TADA2B: variants seen among roughly 807,000 people sequenced by gnomAD.
TADA2B encodes the protein transcriptional adapter 2-beta.
TADA2B carries 13 observed loss-of-function variants against 34.5 expected under a neutral mutation model. That is an observed-to-expected ratio of 0.38 (90% CI 0.25 to 0.60). The LOEUF (loss-of-function observed/expected upper bound fraction) is 0.60, where lower values mean the gene tolerates loss of function less well. Among genes scored for constraint, TADA2B ranks in the 20% least tolerant of loss-of-function variants. TADA2B has a pLI of 0.65. For synonymous variants in TADA2B, 240 were observed against 243.4 expected (o/e 0.99, Z 0.13); for missense variants, 442 against 575.0 (o/e 0.77, Z 2.37).
rs372330396 is a variant in TADA2B, at chr4:7,051,754, C to T, written c.271-2308C>T. Among the ~76,000 whole-genome samples the T allele has an allele frequency of 8.8e-3, 1,337 of 152,276 alleles. 18 individuals carry two copies. Among genetic ancestry groups the T allele is most frequent in the African/African-American group, 0.031 (1,268 of 41,566 alleles). ...CTGGGACTACAGGCGCCCGCCACCA[C>T]GCCTGGCTAATTTTTTGTATTTTTA... On this transcript the variant is annotated intron_variant, in intron 1 of 1. Transcript: ENST00000310074.
intron 1 of TADA2B, among the ~76,000 whole-genome samples, chr4:7,051,667 A>C (rs963306212): frequency 6.7e-6 from 1 of 149,868 alleles, no homozygotes; most frequent in Admixed American, 6.7e-5. Flanking sequence ...GCACTATCTC[A>C]GCTCACTGCA....
At position 7,055,127 on chromosome 4, in the gene TADA2B, C is replaced by T. The variant is rs1456736913; in HGVS notation, c.*73C>T. On this transcript the variant is annotated 3_prime_UTR_variant, in exon 2 of 2. Coordinates refer to ENST00000310074, the MANE Select transcript of TADA2B (RefSeq NM_152293.3). Reference sequence around the variant, plus strand: ...CCAAAATGACTTGGGGGAGGGGAGCCGCTTCCCCACTGTTGCTCTTTTTTA... The same window carrying T: ...CCAAAATGACTTGGGGGAGGGGAGCTGCTTCCCCACTGTTGCTCTTTTTTA... The T allele has an allele frequency of 3.5e-6, 5 of 1,433,766 alleles. No homozygotes were observed. Among genetic ancestry groups the T allele is most frequent in the Admixed American group, 2.6e-5 (1 of 39,138 alleles). The allele number at this position is 1,433,766 out of a possible 1,614,324, so 88.8% of individuals were successfully genotyped here.
chr4:7,051,984 A>T (rs1013522071), intron 1 of TADA2B, among the ~76,000 whole-genome samples: 6 of 152,202 alleles, frequency 3.9e-5, no homozygotes, highest in Admixed American at 2.6e-4. Context: ...ACCAGGGCCA[A>T]TGCCAGGGGG....
intron 1 of TADA2B, among the ~76,000 whole-genome samples, chr4:7,048,245 C>T (rs533417192): frequency 6.6e-6 from 1 of 152,148 alleles, no homozygotes; most frequent in Non-Finnish European, 1.5e-5. Context: ...GGAGCCTCCA[C>T]TGTGCGGGCT....
chr4:7,043,965 G>T (rs1723552289), intron 1 of TADA2B, 116 bp downstream of exon 1: 1 of 1,282,012 alleles, frequency 7.8e-7, no homozygotes. Context: ...ACCCCAGAAG[G>T]CCCCGGAGGT....
intron 1 of TADA2B, among the ~76,000 whole-genome samples, chr4:7,045,342 G>A (rs565315514): frequency 5.9e-5 from 9 of 152,304 alleles, no homozygotes; most frequent in Middle Eastern, 3.4e-3. Context: ...TGATGTTTAC[G>A]TTTACTTCTT....
In TADA2B at chr4:7,054,449, A is replaced by G. The variant is rs771747907; in HGVS notation, c.658A>G (p.Lys220Glu). The G allele has an allele frequency of 6.2e-7, 1 of 1,613,702 alleles. No individual in the cohort carries two copies. Among genetic ancestry groups the G allele is most frequent in the Non-Finnish European group, 8.5e-7 (1 of 1,179,900 alleles). ...VRKLKERQRR[K>E]NIARDYNLVP... ...GAAGCTGAAAGAGAGACAGCGGCGGAAGAACATCGCCCGTGACTACAATCT... is the reference window on the plus strand; with the variant it reads ...GAAGCTGAAAGAGAGACAGCGGCGGGAGAACATCGCCCGTGACTACAATCT... The change falls in exon 2 of 2, where the codon AAG becomes GAG. Residue 220 changes from lysine (K) to glutamate (E), a missense_variant. This residue lies in a region of TADA2B where 222 missense variants were observed against 235.2 expected (regional missense o/e 0.94). Transcript: ENST00000310074.
chr4:7,056,900 C>G lies in TADA2B; in HGVS notation c.*1846C>G, dbSNP rs1412010644. The G allele has an allele frequency of 6.6e-6, 1 of 152,240 alleles. No homozygotes were observed. Among genetic ancestry groups the G allele is most frequent in the East Asian group, 1.9e-4 (1 of 5,204 alleles). 9.4% of individuals were successfully genotyped at this position (152,240 alleles called of 1,614,324 possible). On this transcript the variant is annotated 3_prime_UTR_variant, in exon 2 of 2. Transcript: ENST00000310074. ...GGTGGGGCTCCTGGCCCAGCAGCAGCAACTTGTTTGTTAGAATGCAGACGC... is the reference window on the plus strand; with the variant it reads ...GGTGGGGCTCCTGGCCCAGCAGCAGGAACTTGTTTGTTAGAATGCAGACGC...
intron 1 of TADA2B, among the ~76,000 whole-genome samples, chr4:7,049,240 G>A (rs1723708927): frequency 6.6e-6 from 1 of 152,056 alleles, no homozygotes; most frequent in Non-Finnish European, 1.5e-5. Flanking sequence ...CACCACACCC[G>A]CCTAATTTTT....
intron 1 of TADA2B, among the ~76,000 whole-genome samples, chr4:7,048,835 G>A (rs544181605): frequency 6.6e-6 from 1 of 152,276 alleles, no homozygotes; most frequent in African/African-American, 2.4e-5. Flanking sequence ...GTCCTTTTCT[G>A]ACTGGCGTAT....
chr4:7,053,451 C>A (rs998392911), intron 1 of TADA2B: 1 of 152,418 alleles, frequency 6.6e-6, no homozygotes, highest in African/African-American at 2.4e-5. Context: ...GCCAGCCCCC[C>A]CGGCGCATGA....
intron 1 of TADA2B, among the ~76,000 whole-genome samples, chr4:7,052,572 G>A (rs970670206): frequency 1.3e-5 from 2 of 152,204 alleles, no homozygotes; most frequent in Non-Finnish European, 2.9e-5. Context: ...GAGGTGTGTG[G>A]GGCTGCACGT....
Position 7,054,260 on chromosome 4 carries a change from T to A in TADA2B, c.469T>A (p.Ser157Thr), listed in dbSNP as rs756227804. 6.2e-7 allele frequency: 1 copy of A among 1,612,080 alleles called. No homozygotes were observed. The highest frequency in any genetic ancestry group is 2.2e-5 in the East Asian group (1 of 44,812). Reference protein sequence around the residue: ...LTTPLPPLDISVAEQQQLGYM... With the variant: ...LTTPLPPLDITVAEQQQLGYM... ...CACCCCGCTGCCCCCGCTGGACATCTCTGTGGCTGAGCAGCAGCAGCTGGG... is the reference window on the plus strand; with the variant it reads ...CACCCCGCTGCCCCCGCTGGACATCACTGTGGCTGAGCAGCAGCAGCTGGG... Residue 157 changes from serine to threonine, a missense_variant, in exon 2 of 2, where the codon TCT (serine) becomes ACT (threonine). Coordinates refer to ENST00000310074, the MANE Select transcript of TADA2B (RefSeq NM_152293.3).
chr4:7,053,965 T>C, intron 1 of TADA2B, 97 bp from the exon 2 acceptor site: 1 of 1,391,064 alleles, frequency 7.2e-7, no homozygotes. Flanking sequence ...TAGGAAGTAC[T>C]CTAGGTCAGC....
In TADA2B at chr4:7,043,452, C is replaced by G. The variant is rs1482025893; in HGVS notation, c.-128C>G. 1.4e-5 allele frequency: 5 copies of G among 354,464 alleles called. No homozygotes were observed. The highest frequency in any genetic ancestry group is 1.9e-5 in the Non-Finnish European group (5 of 257,504). 22.0% of individuals were successfully genotyped at this position (354,464 alleles called of 1,614,324 possible). A position where few individuals can be genotyped will look rare whatever the true frequency, so the allele number is the denominator to read the frequency against. On this transcript the variant is annotated 5_prime_UTR_variant, in exon 1 of 2. Coordinates refer to ENST00000310074, the MANE Select transcript of TADA2B (RefSeq NM_152293.3). The stretch of plus-strand genomic sequence containing the variant: ...GGCTGGGCTGGGGCCGCGGTGGCGG[C>G]AGCCGCGGCGGCGGGCGGCGGTTGC...
At chr4:7,046,426 G>A (rs1723632004) in intron 1 of TADA2B, among the ~76,000 whole-genome samples, 1 of 152,180 alleles carries the variant, frequency 6.6e-6, no homozygotes, top group African/African-American at 2.4e-5. Flanking sequence ...CCTCGGGGGT[G>A]GGTTCTTATT....
chr4:7,054,240 C>A lies in TADA2B; in HGVS notation c.449C>A (p.Pro150Gln). ...GGPLSPSLTT[P>Q]LPPLDISVAE... is the part of the protein sequence containing the mutation. ...CCCCTCTCACCCAGCCTCACCACCC[C>A]GCTGCCCCCGCTGGACATCTCTGTG... The change falls in exon 2 of 2, where the codon CCG becomes CAG. Residue 150 changes from proline (P) to glutamine (Q), a missense_variant. Transcript: ENST00000310074. 6.2e-7 allele frequency: 1 copy of A among 1,608,968 alleles called. No homozygotes were observed.
intron 1 of TADA2B, among the ~76,000 whole-genome samples, chr4:7,046,397 G>T (rs151059617): frequency 6.6e-6 from 1 of 152,216 alleles, no homozygotes; most frequent in East Asian, 1.9e-4. Flanking sequence ...TATGTGTCCT[G>T]TGGGATCTTC....
chr4:7,045,449 A>G (rs144155550), intron 1 of TADA2B, among the ~76,000 whole-genome samples: 4 of 152,316 alleles, frequency 2.6e-5, no homozygotes, highest in Non-Finnish European at 4.4e-5. Flanking sequence ...TGGAAGCACA[A>G]AGCGCCTCAC....
Sources: gnomAD v4.1 joint callset for allele counts (sites outside exome capture counted in the v4.1 genomes callset) on GRCh38, gnomAD v4.1.1 for gene constraint, gnomAD v4.1.1 regional missense constraint, MANE v1.5 for transcripts, NCBI Gene and HGNC (gene_info 2026-07-23, HGNC 2026-07-21) for gene names.